The following AKNAD1 variants were observed in gnomAD, a reference collection of about 807,000 sequenced individuals.
AKNAD1 encodes protein AKNAD1.
A neutral mutation model predicts 90.8 loss-of-function variants in AKNAD1; 67 were observed. That is an observed-to-expected ratio of 0.74 (90% CI 0.61 to 0.90). The LOEUF (loss-of-function observed/expected upper bound fraction) is 0.90. Ranked by LOEUF, AKNAD1 falls within the 40% of genes least tolerant of loss-of-function variation. The pLI is 0.00. For synonymous variants in AKNAD1, 327 were observed against 341.4 expected, an observed-to-expected ratio of 0.96 and a Z score of 0.46; for missense variants, 957 against 975.4, an observed-to-expected ratio of 0.98 and a Z score of 0.25.
chr1:108,834,705 C>T (rs1664325741), intron 8 of AKNAD1, among the ~76,000 whole-genome samples, 177 bp from the exon 9 acceptor site: 1 of 151,942 alleles, frequency 6.6e-6, no homozygotes, highest in South Asian at 2.1e-4. Flanking sequence ...CCCCGCGTCC[C>T]CCAGCCCCAG....
chr1:108,827,490 A>C (rs112384593), intron 10 of AKNAD1, among the ~76,000 whole-genome samples, 188 bp from the exon 11 acceptor site: 8 of 151,582 alleles, frequency 5.3e-5, no homozygotes, highest in African/African-American at 1.5e-4. Flanking sequence ...AAGAAATTGC[A>C]CCCCAGCACA....
In AKNAD1 at chr1:108,830,779, A is replaced by G. The variant is rs920926061; in HGVS notation, c.1747-129T>C. 6 of 796,336 alleles carry G rather than the reference A, an allele frequency of 7.5e-6. 1 individual carries two copies. In the South Asian group the frequency reaches 9.1e-5, roughly 12 times the overall value. 49.3% of individuals were successfully genotyped at this position (796,336 alleles called of 1,614,324 possible). On this transcript the variant is annotated intron_variant, in intron 9 of 15. Transcript: ENST00000370001. Reference sequence around the variant, plus strand: ...CACCTCAGGCAGAGAGACTCGCCAAACCTCTCCTCCAGTTGGGGAAAGGGA... The same window carrying G: ...CACCTCAGGCAGAGAGACTCGCCAAGCCTCTCCTCCAGTTGGGGAAAGGGA...
In AKNAD1 at chr1:108,830,635, T is replaced by G; in HGVS notation, c.1762A>C (p.Thr588Pro). ...SSNSGEDPNG[T>P]PRRQDCAEMT... is the part of the protein sequence containing the mutation. ...TCTGCACAATCCTGCCTTCTTGGAG[T>G]GCCGTTGGGATCCTCCTGCGCCACA... Residue 588 changes from threonine (T) to proline (P), a missense_variant, in exon 10 of 16, where the codon ACT (threonine) becomes CCT (proline). Transcript: ENST00000370001. 1 of 1,613,892 alleles carries G rather than the reference T, an allele frequency of 6.2e-7. No homozygotes were observed. Among genetic ancestry groups the G allele is most frequent in the Non-Finnish European group, 8.5e-7 (1 of 1,179,986 alleles).
In AKNAD1 at chr1:108,830,540, A is replaced by G. The variant is rs1231801885; in HGVS notation, c.1838+19T>C. 6 of 1,612,440 alleles carry G rather than the reference A, an allele frequency of 3.7e-6. No homozygotes were observed. Among genetic ancestry groups the G allele is most frequent in the Non-Finnish European group, 5.1e-6 (6 of 1,179,040 alleles). On this transcript the variant is annotated intron_variant, in intron 10 of 15. Transcript: ENST00000370001. ...TGACTCCAATCCACCCTGGGAATGT[A>G]GCCACAAGAAGCCCTCACCATTCAA...
chr1:108,844,234 G>C (rs937807932), intron 5 of AKNAD1, among the ~76,000 whole-genome samples: 1 of 152,080 alleles, frequency 6.6e-6, no homozygotes, highest in Non-Finnish European at 1.5e-5. Flanking sequence ...ATGGTGGTGC[G>C]TGCCTGTAAT....
Position 108,852,360 on chromosome 1 carries a change from C to G in AKNAD1, c.305G>C (p.Gly102Ala). Residue 102 changes from glycine to alanine, a missense_variant, in exon 2 of 16, where the codon GGA becomes GCA. Physicochemically the swap from Gly to Ala is moderately conservative, Grantham distance 60. Coordinates refer to ENST00000370001, the MANE Select transcript of AKNAD1 (RefSeq NM_152763.5). ...AGAAATGCTTGACTTAGAAGCGTCTCCTTCATTTGCTGGAATATGAAGAGC... is the reference window on the plus strand; with the variant it reads ...AGAAATGCTTGACTTAGAAGCGTCTGCTTCATTTGCTGGAATATGAAGAGC... Reference protein sequence around the residue: ...TAALHIPANEGDASKSSISDI... With the variant: ...TAALHIPANEADASKSSISDI... The G allele has an allele frequency of 6.2e-7, 1 of 1,613,996 alleles. No individual in the cohort carries two copies. The highest frequency in any genetic ancestry group is 1.1e-5 in the South Asian group (1 of 91,068).
chr1:108,849,437 C>A (rs938710026), intron 3 of AKNAD1, 100 bp downstream of exon 3: 1 of 770,876 alleles, frequency 1.3e-6, no homozygotes, highest in Non-Finnish European at 2.3e-6. Flanking sequence ...CAAGATTGTG[C>A]TGCTGCACTC....
At chr1:108,823,093 A>G in intron 13 of AKNAD1, 1 of 661,534 alleles carries the variant, frequency 1.5e-6, no homozygotes, top group Non-Finnish European at 2.8e-6. Flanking sequence ...TTCAGCAAAC[A>G]TTTATGGGTT....
At chr1:108,816,554 G>A (rs998908716) in intron 15 of AKNAD1, among the ~76,000 whole-genome samples, 1 of 152,100 alleles carries the variant, frequency 6.6e-6, no homozygotes, top group South Asian at 2.1e-4. Context: ...GAGGTCAGCC[G>A]CCAGCTGGGC....
intron 15 of AKNAD1, 68 bp downstream of exon 15, chr1:108,816,980 A>G (rs1663632052): frequency 1.3e-6 from 2 of 1,574,346 alleles, no homozygotes; most frequent in Non-Finnish European, 1.7e-6. Flanking sequence ...AAGAGCTGCC[A>G]GTTCTGTGGG....
rs763540280 is a variant in AKNAD1 at position 108,834,936 on chromosome 1, G to A, written c.1657C>T (p.Pro553Ser). 6.5e-7 allele frequency: 1 copy of A among 1,537,306 alleles called. No homozygotes were observed. Among genetic ancestry groups the A allele is most frequent in the South Asian group, 1.2e-5 (1 of 80,538 alleles). ...APNEELCELAPQTYLNGHYGD... is the reference protein window; with the variant it reads ...APNEELCELASQTYLNGHYGD... ...TCCAGGGCTAGGACTCACGTCTGCG[G>A]GGCCAGCTCACAGAGCTCCTCGTTG... The change falls in exon 8 of 16, where the codon CCG becomes TCG. Residue 553 changes from proline to serine, a missense_variant. By Grantham distance (74) the Pro-to-Ser change is moderately conservative. Transcript: ENST00000370001.
At chr1:108,840,361 G>A (rs1340854890) in intron 6 of AKNAD1, among the ~76,000 whole-genome samples, 1 of 152,132 alleles carries the variant, frequency 6.6e-6, no homozygotes, top group Admixed American at 6.6e-5. Context: ...CTATAAAATA[G>A]CTAGTAATAA....
At chr1:108,823,142 A>G (rs990551703) in intron 13 of AKNAD1, 18 of 713,380 alleles carry the variant, frequency 2.5e-5, no homozygotes, top group Non-Finnish European at 4.4e-5. Context: ...AATAACTTTC[A>G]AAGTCCTTGG....
Position 108,830,581 on chromosome 1 carries a change from A to C in AKNAD1, c.1816T>G (p.Phe606Val). The C allele has an allele frequency of 6.2e-7, 1 of 1,614,094 alleles. No homozygotes were observed. The highest frequency in any genetic ancestry group is 8.5e-7 in the Non-Finnish European group (1 of 1,180,034). Residue 606 changes from phenylalanine (F) to valine (V), a missense_variant, in exon 10 of 16, where the codon TTC (phenylalanine) becomes GTC (valine). Transcript: ENST00000370001. Reference sequence around the variant, plus strand: ...CACCATTCAAGGAGCCTGCGACAGAAGGCACAGCTCGGACTGGGTGCCGTC... The same window carrying C: ...CACCATTCAAGGAGCCTGCGACAGACGGCACAGCTCGGACTGGGTGCCGTC... ...EMTAPSPSCA[F>V]CRRLLEWKQN...
At chr1:108,849,450 G>T in intron 3 of AKNAD1, 87 bp downstream of exon 3, 1 of 861,274 alleles carries the variant, frequency 1.2e-6, no homozygotes, top group Non-Finnish European at 2.0e-6. Flanking sequence ...CTGCACTCCA[G>T]CCTGGGTGAC....
At chr1:108,833,053 C>T (rs1041641306) in intron 9 of AKNAD1, among the ~76,000 whole-genome samples, 11 of 152,078 alleles carry the variant, frequency 7.2e-5, no homozygotes, top group Non-Finnish European at 1.3e-4. Flanking sequence ...TATCAAAGAA[C>T]TGGAAAAAAC....
At chr1:108,830,907 G>T (rs1664177977) in intron 9 of AKNAD1, among the ~76,000 whole-genome samples, 1 of 152,208 alleles carries the variant, frequency 6.6e-6, no homozygotes, top group South Asian at 2.1e-4. Flanking sequence ...AAGAATGGAA[G>T]TTTCCACCCT....
At chr1:108,831,868 C>T (rs538868397) in intron 9 of AKNAD1, among the ~76,000 whole-genome samples, 1 of 152,240 alleles carries the variant, frequency 6.6e-6, no homozygotes, top group South Asian at 2.1e-4. Context: ...TCATGATTCG[C>T]CCACCTCGGC....
chr1:108,837,628 A>T lies in AKNAD1; in HGVS notation c.1458T>A (p.Thr486=). The T allele has an allele frequency of 6.2e-7, 1 of 1,614,184 alleles. No individual in the cohort carries two copies. Among genetic ancestry groups the T allele is most frequent in the South Asian group, 1.1e-5 (1 of 91,084 alleles). ...VKEKMDESKY[T]SAPSLPVSSP... ...AACTCACAGGAAGGGAAGGAGCTGA[A>T]GTATATTTGCTTTCATCCATTTTCT... is the stretch of plus-strand genomic sequence containing the variant. Residue 486 remains threonine (T), a synonymous_variant, in exon 7 of 16, where the codon ACT becomes ACA. Coordinates refer to ENST00000370001, the MANE Select transcript of AKNAD1 (RefSeq NM_152763.5).
Sources: gnomAD v4.1 joint callset for allele counts (sites outside exome capture counted in the v4.1 genomes callset) on GRCh38, gnomAD v4.1.1 for gene constraint, MANE v1.5 for transcripts, NCBI Gene and HGNC (gene_info 2026-07-23, HGNC 2026-07-21) for gene names.